The following CTAGE1 variants were observed in gnomAD, a reference collection of about 807,000 sequenced individuals.
The protein encoded by CTAGE1 is cutaneous T cell lymphoma-associated antigen 1.
For synonymous variants in CTAGE1, 332 were observed against 302.8 expected (o/e 1.10, Z -1.00); for missense variants, 963 against 855.9 (o/e 1.13, Z -1.56).
Position 22,415,811 on chromosome 18 carries a change from T to C in CTAGE1, c.2001A>G (p.Pro667=). The change falls in exon 1 of 1, where the codon CCA becomes CCG. Residue 667 remains proline (P), a synonymous_variant. Transcript: ENST00000391403. ...GPGFVPPPLA[P]IRGLLFPVDT... is the part of the protein sequence containing the mutation. ...CTACTGGAAACAATAAACCTCTGAT[T>C]GGAGCAAGAGGTGGAGGAACAAAGC... The C allele has an allele frequency of 6.2e-7, 1 of 1,613,886 alleles. No homozygotes were observed. Among genetic ancestry groups the C allele is most frequent in the Non-Finnish European group, 8.5e-7 (1 of 1,179,828 alleles).
rs1333081479 is a variant in CTAGE1, at chr18:22,417,802, C to T, written c.10G>A (p.Asp4Asn). Residue 4 changes from aspartate to asparagine, a missense_variant, in exon 1 of 1, where the codon GAT (aspartate) becomes AAT (asparagine). Transcript: ENST00000391403. MRP[D>N]SHPYGFPWEL... ...CATGGAAAACCATAAGGATGAGAATCGGGTCTCATACCTTCAGTCAGTGCT... is the reference window on the plus strand; with the variant it reads ...CATGGAAAACCATAAGGATGAGAATTGGGTCTCATACCTTCAGTCAGTGCT... 3.7e-6 allele frequency: 6 copies of T among 1,614,076 alleles called. No homozygotes were observed. The Admixed American group carries it at 8.3e-5, about 22-fold the overall frequency.
In CTAGE1 at chr18:22,415,324, C is replaced by A; in HGVS notation, c.*250G>T. ...ATAAAATAAAATGAAATAATTTACT[C>A]ATAAGATTCATATTTAAATCATCCT... On this transcript the variant is annotated 3_prime_UTR_variant, in exon 1 of 1. Coordinates refer to ENST00000391403, the MANE Select transcript of CTAGE1 (RefSeq NM_172241.3). 1 of 433,432 alleles carries A rather than the reference C, an allele frequency of 2.3e-6. No individual in the cohort carries two copies. The allele number at this position is 433,432 out of a possible 1,614,324, so 26.8% of individuals were successfully genotyped here.
rs746081338 is a variant in CTAGE1, at chr18:22,416,802, T to G, written c.1010A>C (p.Glu337Ala). The G allele has an allele frequency of 1.9e-6, 3 of 1,612,600 alleles. No homozygotes were observed. The change falls in exon 1 of 1, where the codon GAA (glutamate) becomes GCA (alanine). Residue 337 changes from glutamate (E) to alanine (A), a missense_variant. Transcript: ENST00000391403. ...ATTCTCACTTTCAAAATGTGTGTTT[T>G]CTGACTGCAAAGATGCTTGTTCAGT... is the stretch of plus-strand genomic sequence containing the variant. ...LQTEQASLQS[E>A]NTHFESENQK...
Position 22,417,329 on chromosome 18 carries a change from T to C in CTAGE1, c.483A>G (p.Lys161=). Residue 161 remains lysine (K), a synonymous_variant, in exon 1 of 1, where the codon AAA becomes AAG. Transcript: ENST00000391403. ...TCGCTTGAAATCTCTTGAAGGTCAT[T>C]TTGGCTTCAGCTACTTGTGATTTGA... The part of the protein sequence containing the change: ...KSLKSQVAEA[K]MTFKRFQANE... The C allele has an allele frequency of 6.2e-7, 1 of 1,613,994 alleles. No homozygotes were observed. The highest frequency in any genetic ancestry group is 1.1e-5 in the South Asian group (1 of 91,068).
rs530344089 is a variant in CTAGE1, at chr18:22,415,707, T to C, written c.2105A>G (p.Asp702Gly). The C allele has an allele frequency of 5.3e-5, 85 of 1,613,690 alleles. No individual in the cohort carries two copies. Among genetic ancestry groups the C allele is most frequent in the Middle Eastern group, 1.6e-4 (1 of 6,080 alleles). The change falls in exon 1 of 1, where the codon GAT (aspartate) becomes GGT (glycine). Residue 702 changes from aspartate (D) to glycine (G), a missense_variant. Coordinates refer to ENST00000391403, the MANE Select transcript of CTAGE1 (RefSeq NM_172241.3). ...PPGTVFGASP[D>G]YFSPRDVPGP... ...TGGGACATCCCTTGGAGAAAAATAA[T>C]CTGGAGAAGCTCCAAACACGGTTCC...
Position 22,415,910 on chromosome 18 carries a change from A to G in CTAGE1, c.1902T>C (p.Asp634=), listed in dbSNP as rs767593002. 9 of 1,613,846 alleles carry G rather than the reference A, an allele frequency of 5.6e-6. No homozygotes were observed. Among genetic ancestry groups the G allele is most frequent in the Non-Finnish European group, 7.6e-6 (9 of 1,179,870 alleles). ...MPSEMESSRN[D]TKDNLGNLKV... ...TTAAATTACCAAGATTATCTTTGGT[A>G]TCATTTCTACTGGATTCCATTTCTG... The change falls in exon 1 of 1, where the codon GAT becomes GAC. Residue 634 remains aspartate, a synonymous_variant. Transcript: ENST00000391403.
chr18:22,416,205 T>C lies in CTAGE1; in HGVS notation c.1607A>G (p.Asp536Gly). 1 of 1,613,912 alleles carries C rather than the reference T, an allele frequency of 6.2e-7. No homozygotes were observed. The highest frequency in any genetic ancestry group is 8.5e-7 in the Non-Finnish European group (1 of 1,179,864). The change falls in exon 1 of 1, where the codon GAC becomes GGC. Residue 536 changes from aspartate to glycine, a missense_variant. Transcript: ENST00000391403. Reference protein sequence around the residue: ...RGSRGPGNPPDHQITKERGES... With the variant: ...RGSRGPGNPPGHQITKERGES... ...TCCTCTTTCTTTGGTAATCTGATGG[T>C]CCGGAGGATTCCCTGGGCCTCTGGA... is the stretch of plus-strand genomic sequence containing the variant.
At position 22,416,592 on chromosome 18, in the gene CTAGE1, T is replaced by G; in HGVS notation, c.1220A>C (p.Asp407Ala). The G allele has an allele frequency of 6.2e-7, 1 of 1,610,726 alleles. No homozygotes were observed. Among genetic ancestry groups the G allele is most frequent in the Non-Finnish European group, 8.5e-7 (1 of 1,179,368 alleles). Residue 407 changes from aspartate (D) to alanine (A), a missense_variant, in exon 1 of 1, where the codon GAT becomes GCT. Coordinates refer to ENST00000391403, the MANE Select transcript of CTAGE1 (RefSeq NM_172241.3). The stretch of plus-strand genomic sequence containing the variant: ...AATAGTTTTCTCAAATTCTTTAAGA[T>G]CTTTGGCTCGCTTTCGGTAGGTCTC... The part of the protein sequence containing the change: ...ELETYRKRAK[D>A]LKEFEKTIHF...
rs766613437 is a variant in CTAGE1 at position 22,415,813 on chromosome 18, G to A, written c.1999C>T (p.Pro667Ser). The A allele has an allele frequency of 5.0e-6, 8 of 1,613,822 alleles. No individual in the cohort carries two copies. The highest frequency in any genetic ancestry group is 1.3e-5 in the African/African-American group (1 of 74,892). ...GPGFVPPPLA[P>S]IRGLLFPVDT... is the part of the protein sequence containing the mutation. ...ACTGGAAACAATAAACCTCTGATTG[G>A]AGCAAGAGGTGGAGGAACAAAGCCA... Residue 667 changes from proline to serine, a missense_variant, in exon 1 of 1, where the codon CCA becomes TCA. By Grantham distance (74) the Pro-to-Ser change is moderately conservative. Coordinates refer to ENST00000391403, the MANE Select transcript of CTAGE1 (RefSeq NM_172241.3).
rs1331362210 is a variant in CTAGE1 at position 22,415,157 on chromosome 18, C to T, written c.*417G>A. The T allele has an allele frequency of 1.4e-5, 3 of 215,722 alleles. No individual in the cohort carries two copies. Among genetic ancestry groups the T allele is most frequent in the African/African-American group, 2.3e-5 (1 of 43,844 alleles). The allele number at this position is 215,722 out of a possible 1,614,324, so 13.4% of individuals were successfully genotyped here. ...TTATTTAAGCATAAAGTTACTTTCA[C>T]ATTTGTCTACAACCACAGTAAATAC... On this transcript the variant is annotated 3_prime_UTR_variant, in exon 1 of 1. Coordinates refer to ENST00000391403, the MANE Select transcript of CTAGE1 (RefSeq NM_172241.3).
In CTAGE1 at chr18:22,417,605, A is replaced by G. The variant is rs1568128568; in HGVS notation, c.207T>C (p.Val69=). Residue 69 remains valine (V), a synonymous_variant, in exon 1 of 1, where the codon GTT becomes GTC. Coordinates refer to ENST00000391403, the MANE Select transcript of CTAGE1 (RefSeq NM_172241.3). ...CTTCATAGCCTTCATACTCTTTTTGAACAAGGCTAAATTTTTCAAGTAGTT... is the reference window on the plus strand; with the variant it reads ...CTTCATAGCCTTCATACTCTTTTTGGACAAGGCTAAATTTTTCAAGTAGTT... ...KCKLLEKFSL[V]QKEYEGYEVE... is the part of the protein sequence containing the mutation. 6.2e-7 allele frequency: 1 copy of G among 1,613,880 alleles called. No individual in the cohort carries two copies. Among genetic ancestry groups the G allele is most frequent in the Non-Finnish European group, 8.5e-7 (1 of 1,179,880 alleles).
Position 22,415,565 on chromosome 18 carries a change from A to C in CTAGE1, c.*9T>G. On this transcript the variant is annotated 3_prime_UTR_variant, in exon 1 of 1. Coordinates refer to ENST00000391403, the MANE Select transcript of CTAGE1 (RefSeq NM_172241.3). ...TCGGACTCAACCCTGATGGAAACTC[A>C]TTCTACCTTCAGAATGTGGGGGCTG... The C allele has an allele frequency of 6.3e-7, 1 of 1,584,114 alleles. No homozygotes were observed. The highest frequency in any genetic ancestry group is 8.6e-7 in the Non-Finnish European group (1 of 1,165,938).
At position 22,417,061 on chromosome 18, in the gene CTAGE1, G is replaced by A. The variant is rs551576226; in HGVS notation, c.751C>T (p.Leu251Phe). Residue 251 changes from leucine (L) to phenylalanine (F), a missense_variant, in exon 1 of 1, where the codon CTT (leucine) becomes TTT (phenylalanine). Leu to Phe is a conservative substitution (Grantham distance 22). Transcript: ENST00000391403. ...TCATCATCCGTTACATCTTCTTCAA[G>A]CATAGCAACCCCATCTTTCATCTTT... ...LLKMKDGVAMLEEDVTDDDNL... is the reference protein window; with the variant it reads ...LLKMKDGVAMFEEDVTDDDNL... 8.1e-6 allele frequency: 13 copies of A among 1,613,928 alleles called. 1 individual carries two copies. The Admixed American group carries it at 1.3e-4, about 17-fold the overall frequency.
At position 22,417,603 on chromosome 18, in the gene CTAGE1, T is replaced by G. The variant is rs751319523; in HGVS notation, c.209A>C (p.Gln70Pro). ...TACTTCATAGCCTTCATACTCTTTTTGAACAAGGCTAAATTTTTCAAGTAG... is the reference window on the plus strand; with the variant it reads ...TACTTCATAGCCTTCATACTCTTTTGGAACAAGGCTAAATTTTTCAAGTAG... The part of the protein sequence containing the change: ...CKLLEKFSLV[Q>P]KEYEGYEVES... Residue 70 changes from glutamine (Q) to proline (P), a missense_variant, in exon 1 of 1, where the codon CAA (glutamine) becomes CCA (proline). Physicochemically the swap from Gln to Pro is moderately conservative, Grantham distance 76 (BLOSUM62 -1). Transcript: ENST00000391403. 6 of 1,614,024 alleles carry G rather than the reference T, an allele frequency of 3.7e-6. No individual in the cohort carries two copies. The South Asian group carries it at 6.6e-5, about 18-fold the overall frequency.
At position 22,416,091 on chromosome 18, in the gene CTAGE1, A is replaced by G; in HGVS notation, c.1721T>C (p.Met574Thr). ...TGATTGTCCTGGTGGAGGAAACATC[A>G]TCCTATAGTCCTGTTCCCACGGAGG... ...LAPPWEQDYRMMFPPPGQSYP... is the reference protein window; with the variant it reads ...LAPPWEQDYRTMFPPPGQSYP... The change falls in exon 1 of 1, where the codon ATG becomes ACG. Residue 574 changes from methionine (M) to threonine (T), a missense_variant. By Grantham distance (81) the Met-to-Thr change is moderately conservative (BLOSUM62 -1). Transcript: ENST00000391403. 7 of 1,613,952 alleles carry G rather than the reference A, an allele frequency of 4.3e-6. No homozygotes were observed. Among genetic ancestry groups the G allele is most frequent in the Non-Finnish European group, 5.9e-6 (7 of 1,179,870 alleles).
rs369191131 is a variant in CTAGE1 at position 22,415,609 on chromosome 18, T to C, written c.2203A>G (p.Arg735Gly). 1.6e-5 allele frequency: 25 copies of C among 1,611,812 alleles called. No individual in the cohort carries two copies. Among genetic ancestry groups the C allele is most frequent in the African/African-American group, 8.0e-5 (6 of 74,718 alleles). ...PRGFLPYRPP[R>G]PAFFPPAPTF ...GGGGCTGGGGGGAAAAATGCAGGTC[T>C]TGGGGGACGGTAAGGAAGAAAACCT... The change falls in exon 1 of 1, where the codon AGA becomes GGA. Residue 735 changes from arginine (R) to glycine (G), a missense_variant. By Grantham distance (125) the Arg-to-Gly change is moderately radical. Coordinates refer to ENST00000391403, the MANE Select transcript of CTAGE1 (RefSeq NM_172241.3).
In CTAGE1 at chr18:22,417,195, A is replaced by G; in HGVS notation, c.617T>C (p.Val206Ala). The change falls in exon 1 of 1, where the codon GTG (valine) becomes GCG (alanine). Residue 206 changes from valine to alanine, a missense_variant. Transcript: ENST00000391403. ...TCTTTTCTGTTTAATAAGTTCACTC[A>G]CTTGTTCTTTCCATACTTCAGCTTC... ...LQEAEVWKEQ[V>A]SELIKQKRTF... 6.2e-7 allele frequency: 1 copy of G among 1,613,874 alleles called. No homozygotes were observed. Among genetic ancestry groups the G allele is most frequent in the East Asian group, 2.2e-5 (1 of 44,866 alleles).
Position 22,416,310 on chromosome 18 carries a change from CTCG to C in CTAGE1, c.1499_1501del (p.Thr500del). 12 of 1,613,936 alleles carry C rather than the reference CTCG, an allele frequency of 7.4e-6. No individual in the cohort carries two copies. The highest frequency in any genetic ancestry group is 1.3e-5 in the African/African-American group (1 of 75,020). Reference sequence around the variant, plus strand: ...CAAAGTTGGAGGATAGAGAGAAGCTCTCGTTTCAGATGAAGGCCAACCCAATGG... The same window carrying C: ...CAAAGTTGGAGGATAGAGAGAAGCTCTTTCAGATGAAGGCCAACCCAATGG... On this transcript the variant is annotated inframe_deletion, in exon 1 of 1. Transcript: ENST00000391403.
chr18:22,416,010 G>T lies in CTAGE1; in HGVS notation c.1802C>A (p.Ala601Asp). Residue 601 changes from alanine to aspartate, a missense_variant, in exon 1 of 1, where the codon GCT becomes GAT. By Grantham distance (126) the Ala-to-Asp change is moderately radical. Transcript: ENST00000391403. Reference protein sequence around the residue: ...QRQDRFYSNCARLSGPAELRS... With the variant: ...QRQDRFYSNCDRLSGPAELRS... ...GAGTTCTGCTGGTCCAGAGAGTCTAGCACAATTAGAATAAAATCTGTCTTG... is the reference window on the plus strand; with the variant it reads ...GAGTTCTGCTGGTCCAGAGAGTCTATCACAATTAGAATAAAATCTGTCTTG... 1 of 1,613,906 alleles carries T rather than the reference G, an allele frequency of 6.2e-7. No individual in the cohort carries two copies. Among genetic ancestry groups the T allele is most frequent in the Non-Finnish European group, 8.5e-7 (1 of 1,179,866 alleles).
Sources: gnomAD v4.1 joint callset for allele counts on GRCh38, gnomAD v4.1.1 for gene constraint, MANE v1.5 for transcripts, NCBI Gene and HGNC (gene_info 2026-07-23, HGNC 2026-07-21) for gene names.